ARHGAP31: variants seen among roughly 807,000 people sequenced by gnomAD.
ARHGAP31 encodes rho GTPase-activating protein 31.
A neutral mutation model predicts 113.9 loss-of-function variants in ARHGAP31; 34 were observed. The observed-to-expected ratio is 0.30, with a 90% CI of 0.23 to 0.40. The LOEUF is 0.40. ARHGAP31 is among the 10% of genes least tolerant of loss of function. The pLI is 1.00. For synonymous variants in ARHGAP31, 650 were observed against 684.8 expected, an observed-to-expected ratio of 0.95 and a Z score of 0.79; for missense variants, 1,548 against 1,767.1, an observed-to-expected ratio of 0.88 and a Z score of 2.22.
intron 1 of ARHGAP31, among the ~76,000 whole-genome samples, chr3:119,356,615 A>T (rs570972578): frequency 2.0e-4 from 30 of 151,612 alleles, no homozygotes; most frequent in African/African-American, 7.3e-4. Context: ...TGGGTGACAG[A>T]GTAAGACTCT....
chr3:119,359,877 TC>T lies in ARHGAP31; in HGVS notation c.101-5436del, dbSNP rs1559979072. ...AAATTGTTTAAAAATCCCCCCTCTC[TC>T]CCGTGTGCATCGCAACAGATGCTTA... On this transcript the variant is annotated intron_variant, in intron 1 of 11. Transcript: ENST00000264245. 2.0e-5 allele frequency among the ~76,000 whole-genome samples: 3 copies of T among 151,542 alleles called. No homozygotes were observed. In the South Asian group the frequency reaches 6.5e-4, roughly 33 times the overall value.
chr3:119,384,575 A>G (rs1194068858), intron 6 of ARHGAP31, among the ~76,000 whole-genome samples: 1 of 152,192 alleles, frequency 6.6e-6, no homozygotes, highest in East Asian at 1.9e-4. Context: ...GAAAGTCAAG[A>G]GAGTGTGAGA....
intron 1 of ARHGAP31, among the ~76,000 whole-genome samples, chr3:119,298,348 C>T (rs1312972392): frequency 6.6e-6 from 1 of 152,158 alleles, no homozygotes; most frequent in Non-Finnish European, 1.5e-5. Flanking sequence ...AAGGCCCTTG[C>T]TTGCAGCTGT....
intron 1 of ARHGAP31, among the ~76,000 whole-genome samples, chr3:119,335,756 T>C (rs1004377976): frequency 6.6e-6 from 1 of 151,984 alleles, no homozygotes; most frequent in Non-Finnish European, 1.5e-5. Context: ...GGTTTTGGGG[T>C]TGGAAAGAGC....
rs773586929 is a variant in ARHGAP31 at position 119,416,217 on chromosome 3, C to G, written c.4288C>G (p.Arg1430Gly). 6.2e-7 allele frequency: 1 copy of G among 1,614,142 alleles called. No homozygotes were observed. The change falls in exon 12 of 12, where the codon CGG (arginine) becomes GGG (glycine). Residue 1430 changes from arginine to glycine, a missense_variant. Physicochemically the swap from Arg to Gly is moderately radical, Grantham distance 125 (BLOSUM62 -2). Coordinates refer to ENST00000264245, the MANE Select transcript of ARHGAP31 (RefSeq NM_020754.4). ...TSTSCFYQPQ[R>G]RSVILDGRSG... ...AACCAGCTGTTTTTACCAGCCTCAG[C>G]GGAGATCAGTAATTCTGGATGGAAG...
Position 119,414,649 on chromosome 3 carries a change from C to G in ARHGAP31, c.2720C>G (p.Pro907Arg). 1 of 1,614,178 alleles carries G rather than the reference C, an allele frequency of 6.2e-7. No individual in the cohort carries two copies. The highest frequency in any genetic ancestry group is 8.5e-7 in the Non-Finnish European group (1 of 1,180,030). Residue 907 changes from proline to arginine, a missense_variant, in exon 12 of 12, where the codon CCC (proline) becomes CGC (arginine). By Grantham distance (103) the Pro-to-Arg change is moderately radical (BLOSUM62 -2). Transcript: ENST00000264245. The part of the protein sequence containing the change: ...IAQHGLEMVE[P>R]WEEPQWVTSP... ...CAGCATGGCCTGGAGATGGTGGAGC[C>G]CTGGGAGGAACCCCAGTGGGTGACG... is the stretch of plus-strand genomic sequence containing the variant.
At chr3:119,315,567 C>T (rs1238926925) in intron 1 of ARHGAP31, among the ~76,000 whole-genome samples, 2 of 152,220 alleles carry the variant, frequency 1.3e-5, no homozygotes, top group African/African-American at 4.8e-5. Flanking sequence ...CCAGCTTCCC[C>T]GCTGCCACCT....
intron 7 of ARHGAP31, among the ~76,000 whole-genome samples, chr3:119,391,588 TACC>T (rs2080503763): frequency 1.0e-5 from 1 of 99,024 alleles, no homozygotes; most frequent in African/African-American, 5.2e-5. Flanking sequence ...CCTGGGTCTC[TACC>T]CCCCCCTCCC....
chr3:119,371,384 C>G (rs2080295348), intron 3 of ARHGAP31, among the ~76,000 whole-genome samples: 1 of 152,182 alleles, frequency 6.6e-6, no homozygotes, highest in Admixed American at 6.6e-5. Flanking sequence ...GTCAACCTGT[C>G]TTCAGATTTG....
chr3:119,350,763 T>C (rs1302696614), intron 1 of ARHGAP31, among the ~76,000 whole-genome samples: 3 of 152,164 alleles, frequency 2.0e-5, no homozygotes, highest in Admixed American at 6.5e-5. Flanking sequence ...AACAGAAATT[T>C]CCGTTTATAT....
At chr3:119,381,985 C>CAAAAAA (rs10719267) in intron 4 of ARHGAP31, among the ~76,000 whole-genome samples, 2 of 62,096 alleles carry the variant, frequency 3.2e-5, no homozygotes, top group Non-Finnish European at 6.5e-5. Context: ...GACTCCGTCT[C>CAAAAAA]AAAAAAAAAA....
chr3:119,326,944 C>G (rs2079849589), intron 1 of ARHGAP31, among the ~76,000 whole-genome samples: 1 of 152,146 alleles, frequency 6.6e-6, no homozygotes, highest in Admixed American at 6.5e-5. Context: ...TCAAGACCAG[C>G]CTGGGCAACA....
Position 119,418,030 on chromosome 3 carries a change from C to G in ARHGAP31, c.*1766C>G, listed in dbSNP as rs1427997730. 2.6e-5 allele frequency: 4 copies of G among 152,138 alleles called. No individual in the cohort carries two copies. The highest frequency in any genetic ancestry group is 3.2e-3 in the Middle Eastern group (1 of 316). The allele number at this position is 152,138 out of a possible 1,614,324, so 9.4% of individuals were successfully genotyped here. A position where few individuals can be genotyped will look rare whatever the true frequency, so the allele number is the denominator to read the frequency against. ...GCAACAGATATATATTCCTCTCTCTCTCTGTCTCTCTATCTCTCTCCTCCC... is the reference window on the plus strand; with the variant it reads ...GCAACAGATATATATTCCTCTCTCTGTCTGTCTCTCTATCTCTCTCCTCCC... On this transcript the variant is annotated 3_prime_UTR_variant, in exon 12 of 12. Transcript: ENST00000264245.
intron 1 of ARHGAP31, among the ~76,000 whole-genome samples, chr3:119,349,386 A>G (rs1424265834): frequency 2.0e-5 from 3 of 152,206 alleles, no homozygotes; most frequent in Non-Finnish European, 4.4e-5. Context: ...ATTTGAGGTT[A>G]CAGTAAAAGC....
At chr3:119,343,651 G>A (rs2080029796) in intron 1 of ARHGAP31, among the ~76,000 whole-genome samples, 1 of 152,184 alleles carries the variant, frequency 6.6e-6, no homozygotes, top group Non-Finnish European at 1.5e-5. Flanking sequence ...GCCACCAGGA[G>A]GTTCATGCAG....
intron 1 of ARHGAP31, among the ~76,000 whole-genome samples, chr3:119,300,604 A>G (rs1238503641): frequency 6.6e-6 from 1 of 152,080 alleles, no homozygotes; most frequent in African/African-American, 2.4e-5. Flanking sequence ...CAAAGTGGGT[A>G]GATCACTTGA....
chr3:119,310,882 T>C (rs1263811114), intron 1 of ARHGAP31, among the ~76,000 whole-genome samples: 2 of 152,214 alleles, frequency 1.3e-5, no homozygotes, highest in African/African-American at 2.4e-5. Context: ...AACTTCCTTT[T>C]TCCCAACCCT....
chr3:119,397,897 T>A (rs917273804), intron 8 of ARHGAP31, among the ~76,000 whole-genome samples: 1 of 152,216 alleles, frequency 6.6e-6, no homozygotes, highest in Non-Finnish European at 1.5e-5. Flanking sequence ...TTTTAATGGG[T>A]ACTTACTCTA....
chr3:119,391,679 T>A (rs1419566301), intron 7 of ARHGAP31, among the ~76,000 whole-genome samples: 1 of 134,678 alleles, frequency 7.4e-6, no homozygotes, highest in African/African-American at 2.9e-5. Flanking sequence ...AGATTGTAGG[T>A]GGAGGGGCTG....
Sources: allele counts gnomAD v4.1 joint callset (sites outside exome capture counted in the v4.1 genomes callset), GRCh38; gene constraint gnomAD v4.1.1; transcripts MANE v1.5; gene names NCBI Gene and HGNC (gene_info 2026-07-23, HGNC 2026-07-21).